Variants in ANO3 observed in about 807,000 individuals in gnomAD.
ANO3 encodes the protein anoctamin-3.
Under a neutral mutation model 144.8 loss-of-function variants are expected in ANO3, and 99 were observed. The observed-to-expected ratio is 0.68, with a 90% CI of 0.58 to 0.81. The LOEUF is 0.81. Ranked by LOEUF, ANO3 falls within the 30% of genes least tolerant of loss-of-function variation. The pLI is 0.00. For synonymous variants in ANO3, 414 were observed against 392.6 expected (o/e 1.05, Z -0.64); for missense variants, 905 against 1,202.2 (o/e 0.75, Z 3.66).
chr11:26,521,875 G>T (rs17309132), intron 6 of ANO3, among the ~76,000 whole-genome samples: 16,910 of 152,168 alleles, frequency 0.11, 1,293 homozygotes, highest in Admixed American at 0.15. Flanking sequence ...AAGCAAATTT[G>T]GGGCTATATT....
At chr11:26,319,774 C>T (rs1362697310) in intron 1 of ANO3, among the ~76,000 whole-genome samples, 1 of 152,056 alleles carries the variant, frequency 6.6e-6, no homozygotes, top group African/African-American at 2.4e-5. Flanking sequence ...ATTTTACCAC[C>T]TTATTTATTT....
At chr11:26,533,465 A>G (rs1251475846) in intron 8 of ANO3, among the ~76,000 whole-genome samples, 2 of 152,222 alleles carry the variant, frequency 1.3e-5, no homozygotes, top group Non-Finnish European at 2.9e-5. Context: ...TGTTAGACAT[A>G]TAAAACTGAA....
intron 24 of ANO3, among the ~76,000 whole-genome samples, chr11:26,648,104 T>C (rs1447820879): frequency 6.6e-6 from 1 of 152,076 alleles, no homozygotes; most frequent in Non-Finnish European, 1.5e-5. Flanking sequence ...TAAAAATATA[T>C]TTAGAAGTTA....
intron 1 of ANO3, among the ~76,000 whole-genome samples, chr11:26,198,487 A>G (rs1159416134): frequency 6.6e-6 from 1 of 152,206 alleles, no homozygotes; most frequent in Non-Finnish European, 1.5e-5. Flanking sequence ...GGTAGAATAG[A>G]TAAATATGGT....
chr11:26,516,601 A>G (rs982965190), intron 5 of ANO3, among the ~76,000 whole-genome samples: 2 of 151,960 alleles, frequency 1.3e-5, no homozygotes, highest in African/African-American at 4.8e-5. Context: ...AAGAAAATGC[A>G]CTAATGCACA....
intron 22 of ANO3, among the ~76,000 whole-genome samples, chr11:26,642,877 C>T (rs550526170): frequency 3.2e-4 from 49 of 151,962 alleles, no homozygotes; most frequent in African/African-American, 1.1e-3. Flanking sequence ...TCTGTTTTGT[C>T]TCCCATCTTC....
At chr11:26,461,105 AGC>A (rs57794430) in intron 3 of ANO3, among the ~76,000 whole-genome samples, 7,708 of 151,928 alleles carry the variant, frequency 0.051, 301 homozygotes, top group African/African-American at 0.11. Flanking sequence ...ACAGAGAGAG[AGC>A]GAGAGCAAGC....
intron 1 of ANO3, among the ~76,000 whole-genome samples, chr11:26,294,985 G>A (rs200079686): frequency 6.6e-6 from 1 of 151,826 alleles, no homozygotes; most frequent in African/African-American, 2.4e-5. Flanking sequence ...TGCAACCTCC[G>A]CCTCCTGAAT....
intron 1 of ANO3, among the ~76,000 whole-genome samples, chr11:26,440,013 C>T (rs140372031): frequency 0.021 from 3,190 of 152,198 alleles, 55 homozygotes; most frequent in African/African-American, 0.037. Context: ...GTAATAGGCA[C>T]GCCACAATAA....
chr11:26,442,036 C>T lies in ANO3; in HGVS notation c.165C>T (p.Ser55=), dbSNP rs747159500. The T allele has an allele frequency of 1.2e-6, 2 of 1,614,044 alleles. No individual in the cohort carries two copies. Among genetic ancestry groups the T allele is most frequent in the Non-Finnish European group, 1.7e-6 (2 of 1,180,012 alleles). The change falls in exon 2 of 27, where the codon TCC becomes TCT. Residue 55 remains serine (S), a synonymous_variant. Coordinates refer to ENST00000256737, the MANE Select transcript of ANO3 (RefSeq NM_031418.4). The stretch of plus-strand genomic sequence containing the variant: ...CAAAGAGCTTGAGCCAGTCTACTTC[C>T]CTCTTCCAGTCAACCGAGAGTGAAT... ...AYSKSLSQST[S]LFQSTESESQ...
chr11:26,247,244 A>ATT (rs1346666527), intron 1 of ANO3, among the ~76,000 whole-genome samples: 1 of 151,012 alleles, frequency 6.6e-6, no homozygotes, highest in Admixed American at 6.6e-5. Context: ...CTCAAAGTAT[A>ATT]TTTTTTATAT....
At chr11:26,273,250 T>C (rs1336472014) in intron 1 of ANO3, among the ~76,000 whole-genome samples, 3 of 149,086 alleles carry the variant, frequency 2.0e-5, no homozygotes, top group East Asian at 3.9e-4. Flanking sequence ...TTTTTTATAT[T>C]GGACAATGCC....
intron 1 of ANO3, among the ~76,000 whole-genome samples, chr11:26,366,738 G>C (rs1470883017): frequency 6.6e-6 from 1 of 150,792 alleles, no homozygotes; most frequent in African/African-American, 2.5e-5. Context: ...GTGATGATGA[G>C]CATTTTTTCA....
intron 1 of ANO3, among the ~76,000 whole-genome samples, chr11:26,276,224 C>A (rs146982141): frequency 1.3e-5 from 2 of 152,028 alleles, no homozygotes; most frequent in African/African-American, 4.8e-5. Flanking sequence ...CCTCAAATAT[C>A]GTTGCATATG....
At chr11:26,197,282 C>T (rs185311711) in intron 1 of ANO3, among the ~76,000 whole-genome samples, 3 of 152,208 alleles carry the variant, frequency 2.0e-5, no homozygotes, top group East Asian at 1.9e-4. Context: ...GAGGAAGGTT[C>T]GCAATAGAAA....
intron 1 of ANO3, among the ~76,000 whole-genome samples, chr11:26,286,481 G>A (rs1853809994): frequency 6.6e-6 from 1 of 152,122 alleles, no homozygotes; most frequent in Non-Finnish European, 1.5e-5. Context: ...AGTTTCCCCC[G>A]TGATTCTAAT....
chr11:26,385,824 TACACAC>T (rs71047847), intron 1 of ANO3, among the ~76,000 whole-genome samples: 27,904 of 137,582 alleles, frequency 0.2, 2,738 homozygotes, highest in South Asian at 0.31. Context: ...TTCACACACA[TACACAC>T]ACACACACAC....
rs560092238 is a variant in ANO3 at position 26,595,789 on chromosome 11, G to A, written c.1448-2576G>A. On this transcript the variant is annotated intron_variant, in intron 14 of 26. Coordinates refer to ENST00000256737, the MANE Select transcript of ANO3 (RefSeq NM_031418.4). ...ATCACCTTTTTCTAACAGAATAGCC[G>A]CATACTTTAAGATTTTTGAGTTAGT... is the stretch of plus-strand genomic sequence containing the variant. 1.9e-4 allele frequency among the ~76,000 whole-genome samples: 29 copies of A among 152,206 alleles called. No homozygotes were observed. The South Asian group carries it at 4.4e-3, about 23-fold the overall frequency.
At chr11:26,462,924 T>C in intron 3 of ANO3, 106 bp from the exon 4 acceptor site, 2 of 481,686 alleles carry the variant, frequency 4.2e-6, no homozygotes, top group Non-Finnish European at 3.7e-6. Flanking sequence ...CTAGTATATA[T>C]ATAGGCTAAA....
Sources: allele counts gnomAD v4.1 joint callset (sites outside exome capture counted in the v4.1 genomes callset), GRCh38; gene constraint gnomAD v4.1.1; transcripts MANE v1.5; gene names NCBI Gene and HGNC (gene_info 2026-07-23, HGNC 2026-07-21).